ZNF540: variants seen among roughly 807,000 people sequenced by gnomAD.
ZNF540 encodes the protein CTD-3064H18.6.
A neutral mutation model predicts 11.8 loss-of-function variants in ZNF540; 3 were observed. The ratio of observed to expected loss-of-function variants is 0.25; its 90% confidence interval spans 0.12 to 0.65. The LOEUF (loss-of-function observed/expected upper bound fraction) is 0.65, where lower values mean the gene tolerates loss of function less well. ZNF540 is among the 30% of genes least tolerant of loss of function. The pLI, the probability that ZNF540 is intolerant of heterozygous loss-of-function variation, is 0.83. For missense variants in ZNF540, 709 were observed against 793.1 expected (o/e 0.89, Z 1.27); for synonymous variants, 247 against 259.0 (o/e 0.95, Z 0.45).
At chr19:37,589,067 G>T (rs1448484027) in intron 1 of ZNF540, among the ~76,000 whole-genome samples, 1 of 151,950 alleles carries the variant, frequency 6.6e-6, no homozygotes, top group Admixed American at 6.5e-5. Context: ...GGGTGTGGTG[G>T]CGGGTGCTTG....
intron 3 of ZNF540, 60 bp downstream of exon 3, chr19:37,599,812 C>T (rs1419784459): frequency 8.8e-6 from 13 of 1,473,586 alleles, no homozygotes; most frequent in Non-Finnish European, 1.1e-5. Flanking sequence ...GCTTTCTCTT[C>T]CACAAATTTA....
upstream of ZNF540, among the ~76,000 whole-genome samples, chr19:37,591,624 A>C (rs2043870246): frequency 6.6e-6 from 1 of 152,216 alleles, no homozygotes. Context: ...GGCTCACCAC[A>C]ACCTCGGCCT....
chr19:37,573,132 ACT>A (rs2043123860), intron 1 of ZNF540, among the ~76,000 whole-genome samples: 1 of 138,734 alleles, frequency 7.2e-6, no homozygotes, highest in African/African-American at 2.5e-5. Context: ...ACCTCTTCCA[ACT>A]CTTTTTTTTT....
At chr19:37,607,710 C>T (rs1320393353) in intron 4 of ZNF540, among the ~76,000 whole-genome samples, 2 of 152,200 alleles carry the variant, frequency 1.3e-5, no homozygotes, top group Non-Finnish European at 2.9e-5. Flanking sequence ...CATTCACCTA[C>T]TAAAAGACAT....
chr19:37,566,247 C>A, intron 1 of ZNF540: 2 of 1,613,366 alleles, frequency 1.2e-6, no homozygotes, highest in Middle Eastern at 1.7e-4. Flanking sequence ...TCATAAATTT[C>A]CTTTTCTGGA....
At chr19:37,606,460 A>G (rs1387915198) in intron 4 of ZNF540, among the ~76,000 whole-genome samples, 1 of 152,216 alleles carries the variant, frequency 6.6e-6, no homozygotes, top group African/African-American at 2.4e-5. Flanking sequence ...CTGCTGGGTT[A>G]TATGACGAAT....
At chr19:37,566,424 C>T (rs1209883472) in intron 1 of ZNF540, 4 of 1,047,482 alleles carry the variant, frequency 3.8e-6, no homozygotes, top group South Asian at 1.9e-5. Context: ...ATATTTTCTG[C>T]CATTTTTCTT....
chr19:37,612,851 A>C lies in ZNF540; in HGVS notation c.1571A>C (p.Lys524Thr). Residue 524 changes from lysine to threonine, a missense_variant, in exon 5 of 5, where the codon AAA becomes ACA. Transcript: ENST00000316433. The part of the protein sequence containing the change: ...QRIHTGEKPY[K>T]CKECGKAFIR... ...ATTCACACTGGTGAAAAGCCCTATA[A>C]ATGTAAAGAATGTGGAAAGGCCTTT... is the stretch of plus-strand genomic sequence containing the variant. 1 of 1,614,094 alleles carries C rather than the reference A, an allele frequency of 6.2e-7. No homozygotes were observed. The highest frequency in any genetic ancestry group is 1.3e-5 in the African/African-American group (1 of 75,044).
At chr19:37,552,220 A>G (rs2042613297) in intron 1 of ZNF540, among the ~76,000 whole-genome samples, 1 of 152,158 alleles carries the variant, frequency 6.6e-6, no homozygotes, top group Non-Finnish European at 1.5e-5. Flanking sequence ...TTCTGGCTTA[A>G]TTCTACTGTG....
intron 3 of ZNF540, 88 bp from the exon 4 acceptor site, chr19:37,600,922 T>A: frequency 9.1e-7 from 1 of 1,093,156 alleles, no homozygotes; most frequent in Non-Finnish European, 1.3e-6. Flanking sequence ...ATCATGTTGA[T>A]CCATATAAAT....
chr19:37,588,789 G>C (rs2147209305), intron 1 of ZNF540, among the ~76,000 whole-genome samples: 1 of 152,316 alleles, frequency 6.6e-6, no homozygotes, highest in Non-Finnish European at 1.5e-5. Flanking sequence ...TAGAATCTCT[G>C]ATCTCTGGGG....
intron 1 of ZNF540, chr19:37,555,861 T>C (rs1353648282): frequency 1.1e-5 from 8 of 699,838 alleles, no homozygotes; most frequent in African/African-American, 1.7e-5. Flanking sequence ...TTTTTTCTAG[T>C]ACATAATTTA....
At chr19:37,566,583 AAAAC>A (rs1001207549) in intron 1 of ZNF540, 2 of 258,936 alleles carry the variant, frequency 7.7e-6, no homozygotes, top group Non-Finnish European at 1.5e-5. Context: ...CACCCTCTTG[AAAAC>A]AAACAGATGT....
At chr19:37,564,557 A>G in intron 1 of ZNF540, 1 of 1,449,710 alleles carries the variant, frequency 6.9e-7, no homozygotes, top group Non-Finnish European at 9.1e-7. Context: ...GATATGAAAT[A>G]GATGAAGATT....
chr19:37,596,789 C>T (rs1456684197), intron 1 of ZNF540, among the ~76,000 whole-genome samples: 1 of 152,136 alleles, frequency 6.6e-6, no homozygotes, highest in Admixed American at 6.5e-5. Context: ...CTATTTTACT[C>T]CAGTTTAACA....
chr19:37,605,321 A>C (rs2044075971), intron 4 of ZNF540, among the ~76,000 whole-genome samples: 1 of 152,054 alleles, frequency 6.6e-6, no homozygotes. Flanking sequence ...TTAGCTAGGC[A>C]TGGTGGTACA....
At chr19:37,582,211 A>C (rs2043495584) in intron 1 of ZNF540, among the ~76,000 whole-genome samples, 2 of 152,180 alleles carry the variant, frequency 1.3e-5, no homozygotes, top group African/African-American at 4.8e-5. Flanking sequence ...TAAATACTCC[A>C]CAATGAGGTT....
chr19:37,584,071 G>A, intron 1 of ZNF540: 2 of 1,614,068 alleles, frequency 1.2e-6, no homozygotes, highest in Non-Finnish European at 1.7e-6. Context: ...AGAAGTCAAT[G>A]GCCACATCCC....
At chr19:37,565,675 A>G in intron 1 of ZNF540, 1 of 1,613,660 alleles carries the variant, frequency 6.2e-7, no homozygotes, top group Non-Finnish European at 8.5e-7. Context: ...TCTTACATTC[A>G]TATGGTTTCT....
Sources: allele counts gnomAD v4.1 joint callset (sites outside exome capture counted in the v4.1 genomes callset), GRCh38; gene constraint gnomAD v4.1.1; transcripts MANE v1.5; gene names NCBI Gene and HGNC (gene_info 2026-07-23, HGNC 2026-07-21).